NET1: variants seen among roughly 807,000 people sequenced by gnomAD.
NET1 encodes neuroepithelial cell-transforming gene 1 protein.
A neutral mutation model predicts 61.1 loss-of-function variants in NET1; 42 were observed. The ratio of observed to expected loss-of-function variants is 0.69; its 90% CI spans 0.54 to 0.89. The LOEUF (loss-of-function observed/expected upper bound fraction) is 0.89, where lower values mean the gene tolerates loss of function less well. NET1 is among the 40% of genes least tolerant of loss of function. NET1 has a pLI of 0.00. For synonymous variants in NET1, 254 were observed against 281.8 expected, an observed-to-expected ratio of 0.90 and a Z score of 0.99; for missense variants, 654 against 747.3, an observed-to-expected ratio of 0.88 and a Z score of 1.46.
chr10:5,454,184 TTG>T lies in NET1; in HGVS notation c.769-77_769-76del. The T allele has an allele frequency of 7.2e-7, 1 of 1,394,392 alleles. No individual in the cohort carries two copies. The highest frequency in any genetic ancestry group is 9.8e-7 in the Non-Finnish European group (1 of 1,023,026). The allele number at this position is 1,394,392 out of a possible 1,614,324, so 86.4% of individuals were successfully genotyped here. On this transcript the variant is annotated intron_variant, in intron 8 of 11. Coordinates refer to ENST00000355029, the MANE Select transcript of NET1 (RefSeq NM_001047160.3). This position sits in a 1 kb window ranked among gnomAD's most constrained non-coding sequence, Gnocchi z 8.1. ...AAACTCTCAAGAATAGCTGTACATT[TTG>T]TGTTTCATGTTTGCAGGCTTGTTAA... is the stretch of plus-strand genomic sequence containing the variant.
chr10:5,440,717 TAAAGCAATTAGCC>T lies in NET1; in HGVS notation c.256-11107_256-11095del, dbSNP rs528866809. ...CTGTCAGCTGCTTTTTCAAATCTTT[TAAAGCAATTAGCC>T]AAAGCCAGTAAACACTACAATCATT... is the stretch of plus-strand genomic sequence containing the variant. On this transcript the variant is annotated intron_variant, in intron 3 of 11. Coordinates refer to ENST00000355029, the MANE Select transcript of NET1 (RefSeq NM_001047160.3). The surrounding 1 kb of genome is among the most constrained non-coding windows in gnomAD (Gnocchi z 4.1). Among the ~76,000 whole-genome samples, 118 of 152,312 alleles carry T rather than the reference TAAAGCAATTAGCC, an allele frequency of 7.7e-4. 2 individuals carry two copies. The East Asian group carries it at 0.021, about 27-fold the overall frequency.
In NET1 at chr10:5,454,667, C is replaced by T; in HGVS notation, c.1026+145C>T. 2.0e-6 allele frequency: 2 copies of T among 976,012 alleles called. No individual in the cohort carries two copies. The highest frequency in any genetic ancestry group is 3.0e-6 in the Non-Finnish European group (2 of 668,090). The allele number at this position is 976,012 out of a possible 1,614,324, so 60.5% of individuals were successfully genotyped here. ...GTACCCAGTGCGTTAGTACGCTGTG[C>T]ACTAAGCAATAAGGAGCTGTGTATG... On this transcript the variant is annotated intron_variant, in intron 9 of 11. Coordinates refer to ENST00000355029, the MANE Select transcript of NET1 (RefSeq NM_001047160.3). This position sits in a 1 kb window ranked among gnomAD's most constrained non-coding sequence, Gnocchi z 8.1.
In NET1 at chr10:5,421,039, T is replaced by A. The variant is rs563317707; in HGVS notation, c.129-5616T>A. Among the ~76,000 whole-genome samples, 740 of 152,332 alleles carry A rather than the reference T, an allele frequency of 4.9e-3. 5 individuals are homozygous for A. The highest frequency in any genetic ancestry group is 7.3e-3 in the Non-Finnish European group (499 of 68,030). The stretch of plus-strand genomic sequence containing the variant: ...CCTAATTATTTTCTGTCTTCTCCTT[T>A]GAGAATGTATATTCTTTTAACATTC... On this transcript the variant is annotated intron_variant, in intron 1 of 11. Coordinates refer to ENST00000355029, the MANE Select transcript of NET1 (RefSeq NM_001047160.3). This position sits in a 1 kb window ranked among gnomAD's most constrained non-coding sequence, Gnocchi z 4.2.
chr10:5,450,431 T>C (rs536500354), intron 3 of NET1, among the ~76,000 whole-genome samples: 7 of 151,924 alleles, frequency 4.6e-5, no homozygotes, highest in Non-Finnish European at 8.8e-5. Flanking sequence ...AATAATTAAT[T>C]AAAAAAAATT....
Position 5,435,890 on chromosome 10 carries a change from A to G in NET1, c.255+6661A>G, listed in dbSNP as rs1052096501. On this transcript the variant is annotated intron_variant, in intron 3 of 11. Transcript: ENST00000355029. This position sits in a 1 kb window ranked among gnomAD's most constrained non-coding sequence, Gnocchi z 5.0. ...AAAAGAACACAGTATTAGTTTTCCA[A>G]ATGTGTTTCTCAGCTGTGTATGTTA... 2.0e-5 allele frequency among the ~76,000 whole-genome samples: 3 copies of G among 151,984 alleles called. No individual in the cohort carries two copies. The highest frequency in any genetic ancestry group is 4.4e-5 in the Non-Finnish European group (3 of 67,996).
rs1022020808 is a variant in NET1 at position 5,444,363 on chromosome 10, C to T, written c.256-7467C>T. On this transcript the variant is annotated intron_variant, in intron 3 of 11. Coordinates refer to ENST00000355029, the MANE Select transcript of NET1 (RefSeq NM_001047160.3). This position sits in a 1 kb window ranked among gnomAD's most constrained non-coding sequence, Gnocchi z 5.3. ...CTTCCTGCAAGAAGTAGCAACTCTC[C>T]TGCAAACCTTAGGCAATTACTTTTT... 6.6e-6 allele frequency among the ~76,000 whole-genome samples: 1 copy of T among 152,210 alleles called. No individual in the cohort carries two copies. Among genetic ancestry groups the T allele is most frequent in the Non-Finnish European group, 1.5e-5 (1 of 68,032 alleles).
rs1832771522 is a variant in NET1, at chr10:5,454,840, C to T, written c.1027-108C>T. On this transcript the variant is annotated intron_variant, in intron 9 of 11. Coordinates refer to ENST00000355029, the MANE Select transcript of NET1 (RefSeq NM_001047160.3). The surrounding 1 kb of genome is among the most constrained non-coding windows in gnomAD (Gnocchi z 8.1). ...GCAGAATTAACTGATTTCTAGAGTC[C>T]CTTCAAGCTTTAAAGTTCTTCCATT... 2.9e-6 allele frequency: 3 copies of T among 1,045,536 alleles called. No individual in the cohort carries two copies. Among genetic ancestry groups the T allele is most frequent in the Non-Finnish European group, 4.2e-6 (3 of 706,258 alleles). 64.8% of individuals were successfully genotyped at this position (1,045,536 alleles called of 1,614,324 possible).
intron 1 of NET1, among the ~76,000 whole-genome samples, chr10:5,418,472 T>G (rs963736144): frequency 6.6e-6 from 1 of 152,164 alleles, no homozygotes; most frequent in Non-Finnish European, 1.5e-5. Flanking sequence ...ATCCTTTTCA[T>G]GTAATGTCAA....
At position 5,454,563 on chromosome 10, in the gene NET1, A is replaced by G. The variant is rs767610365; in HGVS notation, c.1026+41A>G. ...AGTGATTGTTTTGTTTTTTAAGTTT[A>G]TACATTAGGCTGCTTTAGAACGTTA... On this transcript the variant is annotated intron_variant, in intron 9 of 11. Coordinates refer to ENST00000355029, the MANE Select transcript of NET1 (RefSeq NM_001047160.3). This position sits in a 1 kb window ranked among gnomAD's most constrained non-coding sequence, Gnocchi z 8.1. 1 of 1,585,152 alleles carries G rather than the reference A, an allele frequency of 6.3e-7. No homozygotes were observed. The highest frequency in any genetic ancestry group is 1.4e-5 in the African/African-American group (1 of 73,314).
Position 5,437,404 on chromosome 10 carries a change from T to C in NET1, c.255+8175T>C, listed in dbSNP as rs1482157406. Among the ~76,000 whole-genome samples, 4 of 152,186 alleles carry C rather than the reference T, an allele frequency of 2.6e-5. No homozygotes were observed. Among genetic ancestry groups the C allele is most frequent in the Non-Finnish European group, 5.9e-5 (4 of 68,024 alleles). On this transcript the variant is annotated intron_variant, in intron 3 of 11. Transcript: ENST00000355029. This position sits in a 1 kb window ranked among gnomAD's most constrained non-coding sequence, Gnocchi z 4.3. ...TAGTGTGTTAAAGTACCATAATCTA[T>C]TTAACCAGTCTTTTAAGAATGGCTA...
rs1489598557 is a variant in NET1, at chr10:5,447,702, C to G, written c.256-4128C>G. Among the ~76,000 whole-genome samples the G allele has an allele frequency of 6.6e-6, 1 of 152,184 alleles. No homozygotes were observed. Among genetic ancestry groups the G allele is most frequent in the African/African-American group, 2.4e-5 (1 of 41,434 alleles). Reference sequence around the variant, plus strand: ...CTTGTCATGTGTACACATACACACACCTTTTGGTAGTTAAAATAGCTGCCG... The same window carrying G: ...CTTGTCATGTGTACACATACACACAGCTTTTGGTAGTTAAAATAGCTGCCG... On this transcript the variant is annotated intron_variant, in intron 3 of 11. Transcript: ENST00000355029. The surrounding 1 kb of genome is among the most constrained non-coding windows in gnomAD (Gnocchi z 4.1).
intron 3 of NET1, 100 bp downstream of exon 3, chr10:5,429,329 T>G: frequency 1.1e-6 from 1 of 900,128 alleles, no homozygotes; most frequent in Non-Finnish European, 1.7e-6. Flanking sequence ...TGGGTTTTTT[T>G]GTTTTTTTGT....
chr10:5,443,168 A>G lies in NET1; in HGVS notation c.256-8662A>G, dbSNP rs1276540919. ...TCAGAACATGTGCTAAAGGTTTTAT[A>G]TGGGTTATCTTCATCTGGACAGTGT... On this transcript the variant is annotated intron_variant, in intron 3 of 11. Transcript: ENST00000355029. This position sits in a 1 kb window ranked among gnomAD's most constrained non-coding sequence, Gnocchi z 4.8. Among the ~76,000 whole-genome samples, 1 of 152,222 alleles carries G rather than the reference A, an allele frequency of 6.6e-6. No individual in the cohort carries two copies. Among genetic ancestry groups the G allele is most frequent in the Non-Finnish European group, 1.5e-5 (1 of 68,042 alleles).
Position 5,426,559 on chromosome 10 carries a change from T to A in NET1, c.129-96T>A. The stretch of plus-strand genomic sequence containing the variant: ...TGACAAATCAGGCCACTTTAAACGG[T>A]TTTGAAAGTATGAAAAGTATAGCTT... On this transcript the variant is annotated intron_variant, in intron 1 of 11. Coordinates refer to ENST00000355029, the MANE Select transcript of NET1 (RefSeq NM_001047160.3). This position sits in a 1 kb window ranked among gnomAD's most constrained non-coding sequence, Gnocchi z 4.6. 1.1e-6 allele frequency: 1 copy of A among 920,718 alleles called. No individual in the cohort carries two copies. The highest frequency in any genetic ancestry group is 1.7e-6 in the Non-Finnish European group (1 of 595,200). The allele number at this position is 920,718 out of a possible 1,614,324, so 57.0% of individuals were successfully genotyped here. A position where few individuals can be genotyped will look rare whatever the true frequency, so the allele number is the denominator to read the frequency against.
chr10:5,432,299 A>C (rs1244988740), intron 3 of NET1, among the ~76,000 whole-genome samples: 2 of 152,268 alleles, frequency 1.3e-5, no homozygotes, highest in Non-Finnish European at 2.9e-5. Context: ...ACTTAATCTT[A>C]TCAGTCTTAC....
chr10:5,416,420 C>T lies in NET1; in HGVS notation c.128+3600C>T, dbSNP rs992133218. Among the ~76,000 whole-genome samples, 3 of 152,080 alleles carry T rather than the reference C, an allele frequency of 2.0e-5. No individual in the cohort carries two copies. Among genetic ancestry groups the T allele is most frequent in the African/African-American group, 4.8e-5 (2 of 41,414 alleles). On this transcript the variant is annotated intron_variant, in intron 1 of 11. Transcript: ENST00000355029. The surrounding 1 kb of genome is among the most constrained non-coding windows in gnomAD (Gnocchi z 6.1). ...ATGTGAATTTTAGAATCAGCTTAATCGATTTTTACAAAGGAGTCCACAGGG... is the reference window on the plus strand; with the variant it reads ...ATGTGAATTTTAGAATCAGCTTAATTGATTTTTACAAAGGAGTCCACAGGG...
In NET1 at chr10:5,433,362, C is replaced by T. The variant is rs555328404; in HGVS notation, c.255+4133C>T. On this transcript the variant is annotated intron_variant, in intron 3 of 11. Transcript: ENST00000355029. Reference sequence around the variant, plus strand: ...TCTATGTTTTGTTTATAGCTGCCTTCGTAAACACTGCAGTATCTGGGCTGA... The same window carrying T: ...TCTATGTTTTGTTTATAGCTGCCTTTGTAAACACTGCAGTATCTGGGCTGA... 1.4e-4 allele frequency among the ~76,000 whole-genome samples: 21 copies of T among 152,260 alleles called. 1 individual carries two copies. The South Asian group carries it at 4.4e-3, about 32-fold the overall frequency.
chr10:5,412,833 G>T lies in NET1; in HGVS notation c.128+13G>T. The T allele has an allele frequency of 7.2e-7, 1 of 1,397,040 alleles. No homozygotes were observed. The highest frequency in any genetic ancestry group is 9.3e-7 in the Non-Finnish European group (1 of 1,080,002). The allele number at this position is 1,397,040 out of a possible 1,614,324, so 86.5% of individuals were successfully genotyped here. A position where few individuals can be genotyped will look rare whatever the true frequency, so the allele number is the denominator to read the frequency against. Reference sequence around the variant, plus strand: ...AGCTGGACGGGAGGTGAGTGTGGGGGAGGGGAGGGCCGAACGGGAGGTGAG... The same window carrying T: ...AGCTGGACGGGAGGTGAGTGTGGGGTAGGGGAGGGCCGAACGGGAGGTGAG... On this transcript the variant is annotated intron_variant, in intron 1 of 11. Coordinates refer to ENST00000355029, the MANE Select transcript of NET1 (RefSeq NM_001047160.3). This position sits in a 1 kb window ranked among gnomAD's most constrained non-coding sequence, Gnocchi z 6.5.
chr10:5,420,101 T>C lies in NET1; in HGVS notation c.129-6554T>C, dbSNP rs1183596827. ...TCAGCCATTGTTTCTCTGAAGTTTT[T>C]TTCTGCTCTTTTCTCTTTTCCTCTC... On this transcript the variant is annotated intron_variant, in intron 1 of 11. Transcript: ENST00000355029. This position sits in a 1 kb window ranked among gnomAD's most constrained non-coding sequence, Gnocchi z 5.3. Among the ~76,000 whole-genome samples the C allele has an allele frequency of 1.3e-5, 2 of 152,230 alleles. No homozygotes were observed. The highest frequency in any genetic ancestry group is 2.9e-5 in the Non-Finnish European group (2 of 68,030).
Sources: allele counts gnomAD v4.1 joint callset (sites outside exome capture counted in the v4.1 genomes callset), GRCh38; gene constraint gnomAD v4.1.1; non-coding constraint Gnocchi (gnomAD v3.1); transcripts MANE v1.5; gene names NCBI Gene and HGNC (gene_info 2026-07-23, HGNC 2026-07-21).